The following HDAC9 variants were observed in gnomAD, a reference collection of about 807,000 sequenced individuals.
HDAC9 encodes MEF-2 interacting transcription repressor (MITR) protein.
A neutral mutation model predicts 139.4 loss-of-function variants in HDAC9; 41 were observed. That is an observed-to-expected ratio of 0.29 (90% CI 0.23 to 0.38). The LOEUF is 0.38. Ranked by LOEUF, HDAC9 falls within the 10% of genes least tolerant of loss-of-function variation. HDAC9 has a pLI of 1.00. For synonymous variants in HDAC9, 517 were observed against 476.2 expected (o/e 1.09, Z -1.12); for missense variants, 1,147 against 1,297.0 (o/e 0.88, Z 1.78).
At chr7:18,923,207 T>A (rs1298208989) in intron 22 of HDAC9, among the ~76,000 whole-genome samples, 1 of 152,032 alleles carries the variant, frequency 6.6e-6, no homozygotes, top group African/African-American at 2.4e-5. Context: ...ATCTTATACA[T>A]CTATCCGTTA....
chr7:18,991,070 G>A (rs770373792), intron 25 of HDAC9, among the ~76,000 whole-genome samples: 19 of 152,052 alleles, frequency 1.2e-4, no homozygotes, highest in East Asian at 1.9e-4. Flanking sequence ...GGCTCCTCTC[G>A]ATCTTTATTC....
In HDAC9 at chr7:18,998,670, AC is replaced by A. The variant is rs930428274; in HGVS notation, c.*2609del. The A allele has an allele frequency of 6.6e-6, 1 of 152,180 alleles. No homozygotes were observed. The highest frequency in any genetic ancestry group is 1.5e-5 in the Non-Finnish European group (1 of 68,030). 9.4% of individuals were successfully genotyped at this position (152,180 alleles called of 1,614,324 possible). ...GTTTCACTTGGTATAGTTTTTCTTC[AC>A]TTACCCGTTTAAATTTTATTGCTCG... On this transcript the variant is annotated 3_prime_UTR_variant, in exon 26 of 26. Transcript: ENST00000686413.
intron 2 of HDAC9, among the ~76,000 whole-genome samples, chr7:18,536,848 A>G (rs113274814): frequency 2.0e-5 from 3 of 152,334 alleles, no homozygotes; most frequent in African/African-American, 7.2e-5. Flanking sequence ...TAAGTTAGTT[A>G]TAGTTACTAC....
At position 18,666,949 on chromosome 7, in the gene HDAC9, A is replaced by T. The variant is rs952508737; in HGVS notation, c.1731+473A>T. The T allele has an allele frequency of 3.0e-6, 3 of 992,856 alleles. No homozygotes were observed. In the African/African-American group the frequency reaches 5.2e-5, roughly 17 times the overall value. The allele number at this position is 992,856 out of a possible 1,614,324, so 61.5% of individuals were successfully genotyped here. On this transcript the variant is annotated intron_variant, in intron 12 of 25. Transcript: ENST00000686413. ...GAATTTAATTTTCACATCACTGTAC[A>T]TAATGTATCATACTATAGTCTTGAA...
intron 25 of HDAC9, among the ~76,000 whole-genome samples, 171 bp downstream of exon 25, chr7:18,976,124 T>C (rs1034325404): frequency 2.0e-5 from 3 of 152,216 alleles, no homozygotes; most frequent in African/African-American, 7.2e-5. Flanking sequence ...GAGAATTCAT[T>C]GCTTCATTCT....
At chr7:18,601,340 A>C (rs1349433073) in intron 6 of HDAC9, among the ~76,000 whole-genome samples, 1 of 152,194 alleles carries the variant, frequency 6.6e-6, no homozygotes, top group African/African-American at 2.4e-5. Flanking sequence ...TTGGTATAAC[A>C]GCTTATTCAT....
intron 1 of HDAC9, among the ~76,000 whole-genome samples, chr7:18,316,878 G>A (rs942711897): frequency 6.6e-5 from 10 of 151,388 alleles, no homozygotes; most frequent in Admixed American, 1.3e-4. Context: ...CAGATCACGA[G>A]GTCAGGAGAT....
At chr7:18,966,654 T>C (rs1290726710) in intron 24 of HDAC9, among the ~76,000 whole-genome samples, 1 of 151,902 alleles carries the variant, frequency 6.6e-6, no homozygotes, top group African/African-American at 2.4e-5. Flanking sequence ...TGAATGGAGA[T>C]TGCACCACCG....
At chr7:18,881,183 G>A (rs60502413) in intron 22 of HDAC9, among the ~76,000 whole-genome samples, 3,738 of 152,188 alleles carry the variant, frequency 0.025, 167 homozygotes, top group African/African-American at 0.085. Flanking sequence ...CTAACAATGC[G>A]TGTACATGCT....
At chr7:18,095,260 CCTA>C (rs1380835967) in intron 1 of HDAC9, among the ~76,000 whole-genome samples, 5 of 152,026 alleles carry the variant, frequency 3.3e-5, no homozygotes, top group South Asian at 4.1e-4. Context: ...TCTCTGAATT[CCTA>C]CTGTAGTTTA....
chr7:18,177,727 A>C (rs1789040800), intron 2 of HDAC9, among the ~76,000 whole-genome samples: 1 of 152,194 alleles, frequency 6.6e-6, no homozygotes, highest in Admixed American at 6.5e-5. Flanking sequence ...GGGACATCTA[A>C]GTACATTTTG....
upstream of HDAC9, among the ~76,000 whole-genome samples, chr7:18,492,971 G>A (rs1796477484): frequency 6.6e-6 from 1 of 151,808 alleles, no homozygotes; most frequent in African/African-American, 2.4e-5. Flanking sequence ...ATGGCTGATG[G>A]AAAAACATAC....
Position 18,592,175 on chromosome 7 carries a change from A to G in HDAC9, c.542+533A>G, listed in dbSNP as rs555396985. On this transcript the variant is annotated intron_variant, in intron 5 of 25. Transcript: ENST00000686413. ...GGAAGAAAGGAAGATAAGGGAGGGTAGGGAAGGGAAGTTGAGAGGTTGCTA... is the reference window on the plus strand; with the variant it reads ...GGAAGAAAGGAAGATAAGGGAGGGTGGGGAAGGGAAGTTGAGAGGTTGCTA... Among the ~76,000 whole-genome samples, 388 of 152,192 alleles carry G rather than the reference A, an allele frequency of 2.5e-3. 1 individual carries two copies. The highest frequency in any genetic ancestry group is 4.4e-3 in the Non-Finnish European group (298 of 67,978).
At chr7:18,642,289 C>T (rs886740503) in intron 8 of HDAC9, among the ~76,000 whole-genome samples, 1 of 152,076 alleles carries the variant, frequency 6.6e-6, no homozygotes, top group African/African-American at 2.4e-5. Context: ...CAGTTGCACT[C>T]CTTTATTCCT....
intron 17 of HDAC9, among the ~76,000 whole-genome samples, chr7:18,818,409 A>G (rs944106492): frequency 6.6e-6 from 1 of 152,250 alleles, no homozygotes; most frequent in African/African-American, 2.4e-5. Context: ...GTTTCCTAAA[A>G]TAGTTATATT....
intron 2 of HDAC9, among the ~76,000 whole-genome samples, chr7:18,195,946 T>G (rs1336472011): frequency 6.6e-6 from 1 of 152,188 alleles, no homozygotes; most frequent in Non-Finnish European, 1.5e-5. Context: ...TCCTGTTAAT[T>G]TATCCTCTAC....
intron 2 of HDAC9, among the ~76,000 whole-genome samples, chr7:18,579,544 A>T (rs1005525680): frequency 6.6e-6 from 1 of 152,232 alleles, no homozygotes; most frequent in African/African-American, 2.4e-5. Flanking sequence ...GTATATCGCC[A>T]AATCCAGAAT....
intron 2 of HDAC9, among the ~76,000 whole-genome samples, chr7:18,538,102 G>C (rs1218314248): frequency 6.6e-6 from 1 of 152,104 alleles, no homozygotes; most frequent in African/African-American, 2.4e-5. Context: ...TGTAACAATT[G>C]TCTGCTGTTA....
At chr7:18,821,558 G>A (rs28465160) in intron 17 of HDAC9, among the ~76,000 whole-genome samples, 6,691 of 152,284 alleles carry the variant, frequency 0.044, 162 homozygotes, top group African/African-American at 0.065. Context: ...GGAAAAGGAA[G>A]ATCAACTGTT....
Sources: gnomAD v4.1 joint callset for allele counts (sites outside exome capture counted in the v4.1 genomes callset) on GRCh38, gnomAD v4.1.1 for gene constraint, MANE v1.5 for transcripts, NCBI Gene and HGNC (gene_info 2026-07-23, HGNC 2026-07-21) for gene names.